Variants in ZBTB8OS observed in about 807,000 individuals in gnomAD.
ZBTB8OS encodes the protein tRNA-splicing ligase-activating factor archease.
In ZBTB8OS, 16 loss-of-function variants were observed where a neutral mutation model predicts 29.3. The observed-to-expected ratio is 0.55, with a 90% confidence interval of 0.37 to 0.83. The LOEUF is 0.83. Among genes scored for constraint, ZBTB8OS ranks in the 40% least tolerant of loss-of-function variants. The probability of loss-of-function intolerance (pLI) is 0.00; values close to 1 mark genes in which losing one functional copy is unlikely to be tolerated. For missense variants in ZBTB8OS, 160 were observed against 196.9 expected, an observed-to-expected ratio of 0.81 and a Z score of 1.12; for synonymous variants, 70 against 64.6, an observed-to-expected ratio of 1.08 and a Z score of -0.40.
chr1:32,635,093 T>C (rs1645855034), intron 1 of ZBTB8OS, among the ~76,000 whole-genome samples: 1 of 151,834 alleles, frequency 6.6e-6, no homozygotes, highest in Non-Finnish European at 1.5e-5. Flanking sequence ...AATTCCAGGT[T>C]TCTGTCTCAC....
At chr1:32,645,160 AGAGT>A in intron 1 of ZBTB8OS, among the ~76,000 whole-genome samples, 1 of 150,182 alleles carries the variant, frequency 6.7e-6, no homozygotes, top group East Asian at 2.0e-4. Context: ...GCCTGTCAAC[AGAGT>A]GAGACTTCAT....
At chr1:32,650,708 A>G (rs1647427605), upstream of ZBTB8OS, 13 of 1,147,956 alleles carry the variant, frequency 1.1e-5, 1 homozygote, top group South Asian at 2.0e-4. Context: ...GCATATTTAA[A>G]AAGCCAAAAC....
At chr1:32,638,524 C>T (rs1646163715) in intron 1 of ZBTB8OS, among the ~76,000 whole-genome samples, 1 of 152,150 alleles carries the variant, frequency 6.6e-6, no homozygotes, top group African/African-American at 2.4e-5. Flanking sequence ...TTATTGAAGA[C>T]CCCAAAGAGC....
At chr1:32,648,492 A>C (rs1647022746) in intron 1 of ZBTB8OS, among the ~76,000 whole-genome samples, 1 of 152,206 alleles carries the variant, frequency 6.6e-6, no homozygotes, top group Non-Finnish European at 1.5e-5. Flanking sequence ...TCAACTGAAA[A>C]TTGGTTAAAG....
At chr1:32,647,467 G>T (rs1041625427) in intron 1 of ZBTB8OS, among the ~76,000 whole-genome samples, 2 of 151,802 alleles carry the variant, frequency 1.3e-5, no homozygotes, top group Non-Finnish European at 2.9e-5. Context: ...AGAAAGAAAG[G>T]GTCAATGCAG....
In ZBTB8OS at chr1:32,634,749, G is replaced by A. The variant is rs769989376; in HGVS notation, c.122+19C>T. On this transcript the variant is annotated intron_variant, in intron 2 of 6. Coordinates refer to ENST00000468695, the MANE Select transcript of ZBTB8OS (RefSeq NM_178547.5). The stretch of plus-strand genomic sequence containing the variant: ...CCTACTGACGTGGTTTCAAAGGAAT[G>A]AACTCCCGCTATACTCACTGGACAT... 1 of 1,613,930 alleles carries A rather than the reference G, an allele frequency of 6.2e-7. No homozygotes were observed. Among genetic ancestry groups the A allele is most frequent in the Non-Finnish European group, 8.5e-7 (1 of 1,179,882 alleles).
chr1:32,634,080 A>C lies in ZBTB8OS; in HGVS notation c.123-8T>G. On this transcript the variant is annotated splice_polypyrimidine_tract_variant and splice_region_variant and intron_variant, in intron 2 of 6. Coordinates refer to ENST00000468695, the MANE Select transcript of ZBTB8OS (RefSeq NM_178547.5). ...TCTCCCCATGCGTGTAACCTAAAGA[A>C]GTATATTCATGCTCTGTGTAATACA... is the stretch of plus-strand genomic sequence containing the variant. 6.5e-7 allele frequency: 1 copy of C among 1,545,928 alleles called. No individual in the cohort carries two copies. Among genetic ancestry groups the C allele is most frequent in the Non-Finnish European group, 8.7e-7 (1 of 1,155,968 alleles).
chr1:32,633,676 T>G lies in ZBTB8OS; in HGVS notation c.296A>C (p.Lys99Thr). The G allele has an allele frequency of 6.2e-7, 1 of 1,610,454 alleles. No individual in the cohort carries two copies. The highest frequency in any genetic ancestry group is 8.5e-7 in the Non-Finnish European group (1 of 1,179,204). The stretch of plus-strand genomic sequence containing the variant: ...TATGAAGAATTCATCAGCACTGAAC[T>G]TATAAAGCCATTCATCCAAAAAGTG... ...LFHFLDEWLYKFSADEFFIPR... is the reference protein window; with the variant it reads ...LFHFLDEWLYTFSADEFFIPR... Residue 99 changes from lysine to threonine, a missense_variant, in exon 4 of 7, where the codon AAG becomes ACG. Transcript: ENST00000468695.
In ZBTB8OS at chr1:32,621,892, G is replaced by T. The variant is rs770443612; in HGVS notation, c.474C>A (p.Asn158Lys). ...YSAMQVYNEE[N>K]PEVFVIIDI ...TGTCAATGATCACAAAAACTTCCGG[G>T]TTCTCTTCATTATAGACCTGCATTG... Residue 158 changes from asparagine (N) to lysine (K), a missense_variant, in exon 7 of 7, where the codon AAC becomes AAA. Asn to Lys is a moderately conservative substitution (Grantham distance 94). Coordinates refer to ENST00000468695, the MANE Select transcript of ZBTB8OS (RefSeq NM_178547.5). 1.3e-6 allele frequency: 2 copies of T among 1,594,172 alleles called. No individual in the cohort carries two copies. Among genetic ancestry groups the T allele is most frequent in the Non-Finnish European group, 1.7e-6 (2 of 1,176,342 alleles).
At chr1:32,635,496 T>G (rs1645886202) in intron 1 of ZBTB8OS, among the ~76,000 whole-genome samples, 1 of 152,206 alleles carries the variant, frequency 6.6e-6, no homozygotes, top group Middle Eastern at 3.4e-3. Context: ...GCTCTTGAAC[T>G]CTTGACCTCA....
chr1:32,634,095 T>C, intron 2 of ZBTB8OS, 23 bp from the exon 3 acceptor site: 1 of 1,441,864 alleles, frequency 6.9e-7, no homozygotes, highest in Non-Finnish European at 9.1e-7. Context: ...ATTCATGCTC[T>C]GTGTAATACA....
rs1645220248 is a variant in ZBTB8OS, at chr1:32,627,678, T to C, written c.381-134A>G. On this transcript the variant is annotated intron_variant, in intron 5 of 6. Transcript: ENST00000468695. ...GGGGTCAGGGAGCTGTTAAGTTTCA[T>C]TTTCATTTGTCAGAAGATACAGCTG... The C allele has an allele frequency of 1.4e-5, 10 of 736,510 alleles. No homozygotes were observed. In the East Asian group the frequency reaches 2.1e-4, roughly 16 times the overall value. 45.6% of individuals were successfully genotyped at this position (736,510 alleles called of 1,614,324 possible).
chr1:32,623,551 A>C (rs1237276252), intron 6 of ZBTB8OS, among the ~76,000 whole-genome samples: 6 of 152,136 alleles, frequency 3.9e-5, no homozygotes, highest in Non-Finnish European at 4.4e-5. Flanking sequence ...CCTTAGCCTG[A>C]TTGCAATGAA....
upstream of ZBTB8OS, chr1:32,650,675 G>C: frequency 6.9e-7 from 1 of 1,440,590 alleles, no homozygotes; most frequent in Admixed American, 2.1e-5. Flanking sequence ...ACCTACTTTA[G>C]TCCCTACCCT....
At chr1:32,650,677 C>G (rs1647419551), upstream of ZBTB8OS, 9 of 1,411,504 alleles carry the variant, frequency 6.4e-6, no homozygotes, top group African/African-American at 2.9e-5. Flanking sequence ...CTACTTTAGT[C>G]CCTACCCTGC....
chr1:32,622,770 A>G (rs1570423505), intron 6 of ZBTB8OS, among the ~76,000 whole-genome samples: 1 of 152,258 alleles, frequency 6.6e-6, no homozygotes, highest in Non-Finnish European at 1.5e-5. Flanking sequence ...TTAAAAAAAA[A>G]AAAAGAAAAT....
intron 1 of ZBTB8OS, among the ~76,000 whole-genome samples, chr1:32,635,810 A>G (rs533406630): frequency 6.6e-6 from 1 of 152,198 alleles, no homozygotes; most frequent in Non-Finnish European, 1.5e-5. Flanking sequence ...GAAGGAATTC[A>G]GTTCATGGTT....
chr1:32,625,539 CA>C (rs1379524372), intron 6 of ZBTB8OS, among the ~76,000 whole-genome samples: 2 of 113,078 alleles, frequency 1.8e-5, no homozygotes, highest in African/African-American at 1.2e-4. Context: ...GTCTCAAAAA[CA>C]AAACAAAACA....
upstream of ZBTB8OS, chr1:32,650,684 C>G (rs777156768): frequency 7.3e-7 from 1 of 1,376,664 alleles, no homozygotes; most frequent in Non-Finnish European, 9.9e-7. Context: ...AGTCCCTACC[C>G]TGCCGCTTGG....
Sources: gnomAD v4.1 joint callset for allele counts (sites outside exome capture counted in the v4.1 genomes callset) on GRCh38, gnomAD v4.1.1 for gene constraint, MANE v1.5 for transcripts, NCBI Gene and HGNC (gene_info 2026-07-23, HGNC 2026-07-21) for gene names.